INAVA: variants seen among roughly 807,000 people sequenced by gnomAD.
INAVA encodes innate immunity activator.
INAVA carries 32 observed loss-of-function variants against 55.3 expected under a neutral mutation model. That is an observed-to-expected ratio of 0.58 (90% CI 0.44 to 0.78). The LOEUF (loss-of-function observed/expected upper bound fraction) is 0.78. Ranked by LOEUF, INAVA falls within the 30% of genes least tolerant of loss-of-function variation. INAVA has a pLI of 0.00. For synonymous variants in INAVA, 294 were observed against 329.4 expected, an observed-to-expected ratio of 0.89 and a Z score of 1.16; for missense variants, 756 against 786.4, an observed-to-expected ratio of 0.96 and a Z score of 0.46.
Position 200,901,096 on chromosome 1 carries a change from T to C in INAVA, c.457T>C (p.Cys153Arg). 6.5e-7 allele frequency: 1 copy of C among 1,537,092 alleles called. No individual in the cohort carries two copies. Residue 153 changes from cysteine (C) to arginine (R), a missense_variant, in exon 5 of 10, where the codon TGC (cysteine) becomes CGC (arginine). Physicochemically the swap from Cys to Arg is radical, Grantham distance 180. Coordinates refer to ENST00000413687, the MANE Select transcript of INAVA (RefSeq NM_001142569.3). ...EEKKLQELQR[C>R]LVERRRNSEP... ...GAAGAAGCTGCAGGAGCTCCAGCGC[T>C]GCCTGGTCGAGCGGCGGCGCAATAG...
At chr1:200,908,479 TA>T (rs1653581660) in intron 6 of INAVA, 1 of 403,018 alleles carries the variant, frequency 2.5e-6, no homozygotes, top group Non-Finnish European at 4.4e-6. Flanking sequence ...TGGAGCACTG[TA>T]AGCCCAAGAG....
chr1:200,895,881 C>G (rs968465328), intron 1 of INAVA, among the ~76,000 whole-genome samples: 4 of 152,160 alleles, frequency 2.6e-5, no homozygotes, highest in African/African-American at 9.7e-5. Flanking sequence ...CGCAGCAGAA[C>G]CAAGCCTTGA....
intron 1 of INAVA, among the ~76,000 whole-genome samples, chr1:200,897,357 G>A (rs1475043024): frequency 6.6e-6 from 1 of 152,222 alleles, no homozygotes; most frequent in Admixed American, 6.5e-5. Context: ...TCTCCCAGGA[G>A]TAATTGATGG....
In INAVA at chr1:200,900,875, C is replaced by A. The variant is rs1653217392; in HGVS notation, c.298-62C>A. The A allele has an allele frequency of 4.5e-6, 6 of 1,331,204 alleles. No homozygotes were observed. In the South Asian group the frequency reaches 7.1e-5, roughly 16 times the overall value. The allele number at this position is 1,331,204 out of a possible 1,614,324, so 82.5% of individuals were successfully genotyped here. Reference sequence around the variant, plus strand: ...TAGAGCACTGTGTCAGGGCTGCTGTCCACCCTCTGGGCCCCCAATCTCCCT... The same window carrying A: ...TAGAGCACTGTGTCAGGGCTGCTGTACACCCTCTGGGCCCCCAATCTCCCT... On this transcript the variant is annotated intron_variant, in intron 4 of 9. Transcript: ENST00000413687.
upstream of INAVA, among the ~76,000 whole-genome samples, chr1:200,893,410 C>A (rs1426375926): frequency 6.6e-6 from 1 of 152,188 alleles, no homozygotes; most frequent in Non-Finnish European, 1.5e-5. Flanking sequence ...CTTCCACCAA[C>A]CCCCACCTGG....
intron 5 of INAVA, among the ~76,000 whole-genome samples, chr1:200,903,822 A>G (rs1256851145): frequency 6.6e-6 from 1 of 151,456 alleles, no homozygotes; most frequent in Non-Finnish European, 1.5e-5. Context: ...AAAAAAAAAA[A>G]AGGGAAAAAA....
intron 9 of INAVA, 76 bp from the exon 10 acceptor site, chr1:200,913,461 G>T (rs1157242019): frequency 2.7e-6 from 3 of 1,105,254 alleles, no homozygotes; most frequent in East Asian, 2.4e-5. Flanking sequence ...GATAAGGATG[G>T]TGTAACTGTG....
chr1:200,903,010 C>T (rs888023162), intron 5 of INAVA: 2 of 152,206 alleles, frequency 1.3e-5, no homozygotes, highest in Non-Finnish European at 2.9e-5. Flanking sequence ...CTGACTTTCC[C>T]ACATCAGGAA....
intron 1 of INAVA, among the ~76,000 whole-genome samples, chr1:200,896,614 C>T (rs1457481411): frequency 6.6e-6 from 1 of 152,236 alleles, no homozygotes; most frequent in African/African-American, 2.4e-5. Flanking sequence ...GTGCAAGGTA[C>T]ATGTTGCTTT....
chr1:200,896,070 G>A (rs1012463725), intron 1 of INAVA, among the ~76,000 whole-genome samples: 5 of 152,108 alleles, frequency 3.3e-5, no homozygotes, highest in South Asian at 2.1e-4. Context: ...TGGCGGAGAC[G>A]GGAGGCGTGC....
At chr1:200,893,224 T>C (rs1402015661), upstream of INAVA, among the ~76,000 whole-genome samples, 2 of 152,254 alleles carry the variant, frequency 1.3e-5, no homozygotes, top group Non-Finnish European at 2.9e-5. Flanking sequence ...ACTCAGCCCT[T>C]GTGTGAAATT....
At chr1:200,891,686 G>C, upstream of INAVA, 1 of 1,484,434 alleles carries the variant, frequency 6.7e-7, no homozygotes. Flanking sequence ...GGCGGCGCCA[G>C]AGCTCCATGG....
chr1:200,907,247 C>T (rs1653530771), intron 5 of INAVA, among the ~76,000 whole-genome samples: 1 of 152,044 alleles, frequency 6.6e-6, no homozygotes, highest in Admixed American at 6.6e-5. Context: ...AAACTGAGGT[C>T]TAGAGCATTG....
At chr1:200,913,206 G>A (rs755748792) in intron 9 of INAVA, among the ~76,000 whole-genome samples, 5 of 152,172 alleles carry the variant, frequency 3.3e-5, no homozygotes, top group Admixed American at 6.5e-5. Flanking sequence ...CCCTTTCTGC[G>A]CGCTTGGGCC....
chr1:200,911,682 C>A lies in INAVA; in HGVS notation c.1189C>A (p.Pro397Thr), dbSNP rs982988254. The change falls in exon 9 of 10, where the codon CCT (proline) becomes ACT (threonine). Residue 397 changes from proline (P) to threonine (T), a missense_variant. Coordinates refer to ENST00000413687, the MANE Select transcript of INAVA (RefSeq NM_001142569.3). ...SSSPDISFLQ[P>T]LSPPKTHRHR... ...CAGCCCCGACATCTCCTTTCTGCAG[C>A]CTCTCTCCCCTCCCAAGACCCATCG... 1.9e-6 allele frequency: 3 copies of A among 1,613,894 alleles called. No individual in the cohort carries two copies. The highest frequency in any genetic ancestry group is 2.7e-5 in the African/African-American group (2 of 74,930).
chr1:200,907,147 G>C (rs954100306), intron 5 of INAVA, among the ~76,000 whole-genome samples: 1 of 152,000 alleles, frequency 6.6e-6, no homozygotes, highest in East Asian at 1.9e-4. Flanking sequence ...TTATCCTAAG[G>C]GCCTTCCAAA....
intron 1 of INAVA, 52 bp downstream of exon 1, chr1:200,895,139 T>C (rs184164): frequency 0.34 from 335,024 of 985,602 alleles, 59,463 homozygotes; most frequent in Non-Finnish European, 0.37. Context: ...CAGGCTGGCC[T>C]GGGAGTGGAG....
At position 200,911,627 on chromosome 1, in the gene INAVA, C is replaced by A. The variant is rs1449820901; in HGVS notation, c.1134C>A (p.Ser378Arg). Residue 378 changes from serine (S) to arginine (R), a missense_variant, in exon 9 of 10, where the codon AGC (serine) becomes AGA (arginine). Around this residue, in one of 2 missense-constraint regions of INAVA, gnomAD observed 639 missense variants for 624.3 expected, o/e 1.02. Coordinates refer to ENST00000413687, the MANE Select transcript of INAVA (RefSeq NM_001142569.3). ...AAGACAGTGGCTCTGACGTCTCCAG[C>A]ATCTCCCACCCCACTTCGCCGGGCA... ...CSEDSGSDVS[S>R]ISHPTSPGSS... 1.2e-6 allele frequency: 2 copies of A among 1,614,050 alleles called. No homozygotes were observed. The highest frequency in any genetic ancestry group is 8.5e-7 in the Non-Finnish European group (1 of 1,179,952).
intron 5 of INAVA, among the ~76,000 whole-genome samples, chr1:200,904,990 C>T (rs780320423): frequency 5.9e-5 from 9 of 152,202 alleles, no homozygotes; most frequent in Non-Finnish European, 1.2e-4. Context: ...AAGCAAACCT[C>T]CTGCCTCAGC....
Sources: allele counts gnomAD v4.1 joint callset (sites outside exome capture counted in the v4.1 genomes callset), GRCh38; gene constraint gnomAD v4.1.1; regional missense constraint gnomAD v4.1.1; transcripts MANE v1.5; gene names NCBI Gene and HGNC (gene_info 2026-07-23, HGNC 2026-07-21).